Variants in ETS1 observed in about 807,000 individuals in gnomAD.
ETS1 encodes the protein protein C-ets-1.
A neutral mutation model predicts 58.6 loss-of-function variants in ETS1; 15 were observed. That is an observed-to-expected ratio of 0.26 (90% CI 0.17 to 0.39). The LOEUF is 0.39. Ranked by LOEUF, ETS1 falls within the 10% of genes least tolerant of loss-of-function variation. The pLI is 1.00. For synonymous variants in ETS1, 214 were observed against 218.2 expected (o/e 0.98, Z 0.17); for missense variants, 417 against 610.5 (o/e 0.68, Z 3.34).
In ETS1 at chr11:128,556,388, A is replaced by G. The variant is rs201245070; in HGVS notation, c.117T>C (p.Gly39=). The G allele has an allele frequency of 1.2e-6, 2 of 1,612,966 alleles. No individual in the cohort carries two copies. Among genetic ancestry groups the G allele is most frequent in the Admixed American group, 1.7e-5 (1 of 59,920 alleles). ...NTYEDPRMNC[G]FQSNYHQQRP... is the part of the protein sequence containing the mutation. The stretch of plus-strand genomic sequence containing the variant: ...TTTGCTGGTGATAATTGGACTGGAA[A>G]CCACAGTTCATTCGAGGATCTTCAT... The change falls in exon 3 of 10, where the codon GGT becomes GGC. Residue 39 remains glycine, a synonymous_variant. Coordinates refer to ENST00000392668, the MANE Select transcript of ETS1 (RefSeq NM_001143820.2).
intron 1 of ETS1, among the ~76,000 whole-genome samples, chr11:128,576,229 G>A (rs965567711): frequency 6.6e-6 from 1 of 151,950 alleles, no homozygotes; most frequent in African/African-American, 2.4e-5. Context: ...TTATTTTTTT[G>A]GAGAAAGAAA....
chr11:128,558,864 T>C (rs1175375938), intron 2 of ETS1, among the ~76,000 whole-genome samples: 2 of 152,184 alleles, frequency 1.3e-5, no homozygotes, highest in East Asian at 3.8e-4. Context: ...AAAACACACT[T>C]CCTAGTCTTA....
intron 3 of ETS1, among the ~76,000 whole-genome samples, chr11:128,541,121 C>T (rs1459991816): frequency 2.0e-5 from 3 of 152,160 alleles, no homozygotes; most frequent in Non-Finnish European, 2.9e-5. Flanking sequence ...TCAACAGGAC[C>T]ATCCCTCTCA....
chr11:128,487,375 C>T (rs1044905353), intron 5 of ETS1, among the ~76,000 whole-genome samples: 1 of 152,172 alleles, frequency 6.6e-6, no homozygotes, highest in South Asian at 2.1e-4. Flanking sequence ...GTCTTAGCGG[C>T]CAGAAGGCCC....
intron 3 of ETS1, among the ~76,000 whole-genome samples, chr11:128,491,682 T>C (rs555807653): frequency 2.6e-5 from 4 of 152,336 alleles, no homozygotes; most frequent in Non-Finnish European, 4.4e-5. Flanking sequence ...CAAGACATTT[T>C]AGAAAGTTAT....
chr11:128,557,733 AACTCTGCTAG>A (rs915564898), intron 2 of ETS1, among the ~76,000 whole-genome samples: 2 of 152,174 alleles, frequency 1.3e-5, no homozygotes, highest in African/African-American at 4.8e-5. Context: ...AAGGAAACCA[AACTCTGCTAG>A]AATTTAATAT....
At chr11:128,522,421 G>T (rs1451365030) in intron 3 of ETS1, 2 of 893,786 alleles carry the variant, frequency 2.2e-6, no homozygotes, top group African/African-American at 1.8e-5. Context: ...GCCGGGCGAT[G>T]TCCGCTTGGG....
chr11:128,565,397 C>T (rs1864477135), intron 2 of ETS1, among the ~76,000 whole-genome samples: 1 of 152,118 alleles, frequency 6.6e-6, no homozygotes. Context: ...GAACGGTGAG[C>T]AATAAATTTC....
chr11:128,502,041 C>G (rs1308414727), intron 3 of ETS1, among the ~76,000 whole-genome samples: 1 of 152,036 alleles, frequency 6.6e-6, no homozygotes, highest in Admixed American at 6.5e-5. Context: ...GAGCTGCAGC[C>G]ACAGCATTGC....
intron 1 of ETS1, among the ~76,000 whole-genome samples, chr11:128,581,612 A>C (rs1864871535): frequency 6.6e-6 from 1 of 152,246 alleles, no homozygotes; most frequent in Non-Finnish European, 1.5e-5. Flanking sequence ...TTGCTTTCCA[A>C]GAATGGTCGT....
Position 128,566,782 on chromosome 11 carries a change from C to CAA in ETS1, c.69+6278_69+6279dup, listed in dbSNP as rs1160160715. Among the ~76,000 whole-genome samples the CAA allele has an allele frequency of 5.8e-5, 6 of 102,784 alleles. No homozygotes were observed. The East Asian group carries it at 8.2e-4, about 14-fold the overall frequency. The allele number at this position is 102,784 out of a possible 152,430, so 67.4% of individuals were successfully genotyped here. ...TGGGCGACAGAGCAAGACACCGTCT[C>CAA]AAAAAAAAAAAAAAAAGAGTACCAG... On this transcript the variant is annotated intron_variant, in intron 2 of 9. Coordinates refer to ENST00000392668, the MANE Select transcript of ETS1 (RefSeq NM_001143820.2).
chr11:128,538,292 A>T (rs1380736975), intron 3 of ETS1, among the ~76,000 whole-genome samples: 1 of 152,198 alleles, frequency 6.6e-6, no homozygotes, highest in East Asian at 1.9e-4. Flanking sequence ...AAATACTTTG[A>T]TTGTAATTCA....
chr11:128,498,576 C>T (rs1373653953), intron 3 of ETS1, among the ~76,000 whole-genome samples: 1 of 152,194 alleles, frequency 6.6e-6, no homozygotes, highest in East Asian at 1.9e-4. Flanking sequence ...CAAAAACGTC[C>T]TAAGAGTTCC....
At chr11:128,516,904 T>G (rs1863540679) in intron 3 of ETS1, among the ~76,000 whole-genome samples, 1 of 152,118 alleles carries the variant, frequency 6.6e-6, no homozygotes, top group South Asian at 2.1e-4. Flanking sequence ...CACAGCAACA[T>G]CAGTGATGAA....
At chr11:128,554,135 C>T (rs1005439449) in intron 3 of ETS1, among the ~76,000 whole-genome samples, 1 of 152,144 alleles carries the variant, frequency 6.6e-6, no homozygotes, top group Non-Finnish European at 1.5e-5. Context: ...CCAACTCCTT[C>T]GTCTGGGAAG....
intron 1 of ETS1, among the ~76,000 whole-genome samples, chr11:128,586,984 C>T (rs1423927067): frequency 6.6e-6 from 1 of 152,170 alleles, no homozygotes; most frequent in Non-Finnish European, 1.5e-5. Flanking sequence ...CAGAGAAAAA[C>T]ACCAAACAGG....
intron 1 of ETS1, among the ~76,000 whole-genome samples, chr11:128,579,503 A>G (rs1255258970): frequency 6.6e-6 from 1 of 152,054 alleles, no homozygotes; most frequent in Non-Finnish European, 1.5e-5. Context: ...CTCTACTAAA[A>G]ATACAAAATT....
chr11:128,498,901 T>A (rs1377557152), intron 3 of ETS1, among the ~76,000 whole-genome samples: 1 of 152,210 alleles, frequency 6.6e-6, no homozygotes. Flanking sequence ...TCCCACCACA[T>A]GACATACTTT....
At chr11:128,470,854 A>T (rs2135422182) in intron 8 of ETS1, among the ~76,000 whole-genome samples, 1 of 152,322 alleles carries the variant, frequency 6.6e-6, no homozygotes, top group South Asian at 2.1e-4. Context: ...GAGAATAAGC[A>T]TTTAGGACTT....
Sources: allele counts gnomAD v4.1 joint callset (sites outside exome capture counted in the v4.1 genomes callset), GRCh38; gene constraint gnomAD v4.1.1; transcripts MANE v1.5; gene names NCBI Gene and HGNC (gene_info 2026-07-23, HGNC 2026-07-21).